The following ERP44 variants were observed in gnomAD, a reference collection of about 807,000 sequenced individuals.
ERP44 encodes the protein endoplasmic reticulum resident protein 44.
ERP44 carries 25 observed loss-of-function variants against 53.4 expected under a neutral mutation model. The ratio of observed to expected loss-of-function variants is 0.47; its 90% CI spans 0.34 to 0.65. The LOEUF (loss-of-function observed/expected upper bound fraction) is 0.65. Ranked by LOEUF, ERP44 falls within the 30% of genes least tolerant of loss-of-function variation. The pLI is 0.01. For synonymous variants in ERP44, 145 were observed against 161.2 expected, an observed-to-expected ratio of 0.90 and a Z score of 0.76; for missense variants, 338 against 493.2, an observed-to-expected ratio of 0.69 and a Z score of 2.98.
intron 10 of ERP44, chr9:99,998,759 T>C: frequency 2.6e-6 from 2 of 778,312 alleles, no homozygotes; most frequent in Non-Finnish European, 4.4e-6. Flanking sequence ...CCCGCAAACG[T>C]TTCTTTTCTC....
At chr9:100,003,427 A>G (rs2118627933) in intron 10 of ERP44, among the ~76,000 whole-genome samples, 1 of 152,334 alleles carries the variant, frequency 6.6e-6, no homozygotes, top group African/African-American at 2.4e-5. Context: ...GACTTATTCT[A>G]GTCTTTGACT....
At chr9:100,098,154 G>A (rs1826670600) in intron 1 of ERP44, among the ~76,000 whole-genome samples, 1 of 152,206 alleles carries the variant, frequency 6.6e-6, no homozygotes. Context: ...AAGGCGCAAT[G>A]AAGAAGAAAT....
At position 100,045,878 on chromosome 9, in the gene ERP44, G is replaced by A. The variant is rs565557306; in HGVS notation, c.286+6539C>T. On this transcript the variant is annotated intron_variant, in intron 4 of 11. Transcript: ENST00000262455. Reference sequence around the variant, plus strand: ...CCTAAAGCAACAAGTAGGTACACTTGGTTGGAAAGAATACTGTAAGGAAAT... The same window carrying A: ...CCTAAAGCAACAAGTAGGTACACTTAGTTGGAAAGAATACTGTAAGGAAAT... 3.3e-5 allele frequency among the ~76,000 whole-genome samples: 5 copies of A among 152,124 alleles called. No homozygotes were observed. The South Asian group carries it at 1.0e-3, about 32-fold the overall frequency.
chr9:100,019,370 C>G (rs1830560033), intron 6 of ERP44, among the ~76,000 whole-genome samples: 1 of 151,942 alleles, frequency 6.6e-6, no homozygotes, highest in Non-Finnish European at 1.5e-5. Flanking sequence ...ATGGTGAGAC[C>G]TCAATCGCTT....
intron 10 of ERP44, chr9:99,998,341 C>T (rs1830337110): frequency 5.5e-6 from 3 of 544,912 alleles, no homozygotes; most frequent in East Asian, 3.5e-5. Flanking sequence ...TGTCCCCGAA[C>T]CTTTTGCCTT....
chr9:100,054,233 A>G (rs1423284420), intron 3 of ERP44, among the ~76,000 whole-genome samples: 2 of 152,216 alleles, frequency 1.3e-5, no homozygotes, highest in Admixed American at 6.5e-5. Flanking sequence ...TATATGTATT[A>G]AATCAATAAA....
At chr9:100,011,824 T>C (rs551424284) in intron 8 of ERP44, among the ~76,000 whole-genome samples, 1 of 152,284 alleles carries the variant, frequency 6.6e-6, no homozygotes, top group African/African-American at 2.4e-5. Flanking sequence ...AGAATGGACT[T>C]AAAATGCCAA....
At chr9:99,992,715 G>A (rs1332868006) in intron 10 of ERP44, among the ~76,000 whole-genome samples, 1 of 152,188 alleles carries the variant, frequency 6.6e-6, no homozygotes, top group East Asian at 1.9e-4. Context: ...TAGGAAAAGA[G>A]GAAGTCAAAC....
intron 10 of ERP44, among the ~76,000 whole-genome samples, chr9:99,995,920 CTTTTTTTT>C (rs34632626): frequency 5.8e-5 from 7 of 121,410 alleles, no homozygotes; most frequent in Non-Finnish European, 1.0e-4. Flanking sequence ...TAGGGTAGTT[CTTTTTTTT>C]TTTTTTTTTT....
At chr9:100,024,002 A>G (rs2118659674) in intron 4 of ERP44, among the ~76,000 whole-genome samples, 1 of 152,194 alleles carries the variant, frequency 6.6e-6, no homozygotes, top group South Asian at 2.1e-4. Flanking sequence ...TAAAAATACA[A>G]AAATTAACCA....
At chr9:100,054,276 C>T (rs1270464532) in intron 3 of ERP44, among the ~76,000 whole-genome samples, 2 of 152,142 alleles carry the variant, frequency 1.3e-5, no homozygotes, top group African/African-American at 4.8e-5. Flanking sequence ...GCGGCTAGGA[C>T]CGCAGGTTTG....
chr9:100,063,075 C>CAAAAAAAAAAAAAAAAA (rs58004954), intron 1 of ERP44, among the ~76,000 whole-genome samples: 534 of 39,960 alleles, frequency 0.013, 114 homozygotes, highest in African/African-American at 0.029. Context: ...CCCTGTCTCA[C>CAAAAAAAAAAAAAAAAA]AAAAAAAAAA....
At chr9:99,986,620 G>T (rs1830197916) in intron 10 of ERP44, among the ~76,000 whole-genome samples, 1 of 151,992 alleles carries the variant, frequency 6.6e-6, no homozygotes, top group Non-Finnish European at 1.5e-5. Context: ...TGAGGTCCCG[G>T]AAGTGCTGTT....
In ERP44 at chr9:99,988,347, G is replaced by A. The variant is rs536027965; in HGVS notation, c.1017-3278C>T. On this transcript the variant is annotated intron_variant, in intron 10 of 11. Transcript: ENST00000262455. ...CTAAGAACTCTCTGTGAAACCCCAG[G>A]TCATAAAGAGTTTCTCCTATGTTCG... Among the ~76,000 whole-genome samples, 27 of 152,192 alleles carry A rather than the reference G, an allele frequency of 1.8e-4. No individual in the cohort carries two copies. The South Asian group carries it at 4.4e-3, about 25-fold the overall frequency.
intron 4 of ERP44, among the ~76,000 whole-genome samples, chr9:100,033,636 G>GT: frequency 6.6e-6 from 1 of 152,304 alleles, no homozygotes; most frequent in South Asian, 2.1e-4. Context: ...TTTATCTTTA[G>GT]TAAAAATGAG....
intron 11 of ERP44, among the ~76,000 whole-genome samples, chr9:99,984,437 A>C (rs2118596169): frequency 6.6e-6 from 1 of 152,324 alleles, no homozygotes; most frequent in Non-Finnish European, 1.5e-5. Context: ...AAAGAACATA[A>C]AATTTTGATA....
At chr9:100,051,631 C>T (rs1160894821) in intron 4 of ERP44, among the ~76,000 whole-genome samples, 1 of 151,944 alleles carries the variant, frequency 6.6e-6, no homozygotes, top group African/African-American at 2.4e-5. Context: ...AATGAACAGA[C>T]AATGCAGCTG....
intron 4 of ERP44, among the ~76,000 whole-genome samples, chr9:100,043,571 A>G (rs1166690479): frequency 6.6e-6 from 1 of 152,004 alleles, no homozygotes; most frequent in African/African-American, 2.4e-5. Context: ...CCTGGCCAAC[A>G]TGGTGAGACC....
At chr9:100,066,588 A>G (rs1473740093) in intron 1 of ERP44, among the ~76,000 whole-genome samples, 3 of 152,192 alleles carry the variant, frequency 2.0e-5, no homozygotes, top group African/African-American at 7.2e-5. Context: ...TATAGCAAAA[A>G]ACAAGCAATG....
Sources: gnomAD v4.1 joint callset for allele counts (sites outside exome capture counted in the v4.1 genomes callset) on GRCh38, gnomAD v4.1.1 for gene constraint, MANE v1.5 for transcripts, NCBI Gene and HGNC (gene_info 2026-07-23, HGNC 2026-07-21) for gene names.